Variants in TBL3 observed in about 807,000 individuals in gnomAD.
TBL3 encodes transducin beta-like protein 3.
Under a neutral mutation model 102.7 loss-of-function variants are expected in TBL3, and 71 were observed. The ratio of observed to expected loss-of-function variants is 0.69; its 90% CI spans 0.57 to 0.84. TBL3 has a LOEUF of 0.84. Among genes scored for constraint, TBL3 ranks in the 40% least tolerant of loss-of-function variants. The pLI is 0.00. For missense variants in TBL3, 1,188 were observed against 1,098.5 expected, an observed-to-expected ratio of 1.08 and a Z score of -1.15; for synonymous variants, 578 against 477.7, an observed-to-expected ratio of 1.21 and a Z score of -2.74.
At position 1,975,915 on chromosome 16, in the gene TBL3, G is replaced by C. The variant is rs769312397; in HGVS notation, c.1095G>C (p.Gln365His). 6.8e-6 allele frequency: 11 copies of C among 1,614,012 alleles called. No individual in the cohort carries two copies. In the African/African-American group the frequency reaches 1.5e-4, roughly 22 times the overall value. ...CCTGCCTAAAAGTGTTTGAGCTGCAGACGTCAGCCTGCCAGATCCTCCACG... is the reference window on the plus strand; with the variant it reads ...CCTGCCTAAAAGTGTTTGAGCTGCACACGTCAGCCTGCCAGATCCTCCACG... ...NSPCLKVFEL[Q>H]TSACQILHGH... Residue 365 changes from glutamine to histidine, a missense_variant, in exon 11 of 22, where the codon CAG (glutamine) becomes CAC (histidine). Transcript: ENST00000568546.
Position 1,978,608 on chromosome 16 carries a change from C to T in TBL3, c.2350C>T (p.Leu784=). The part of the protein sequence containing the change: ...TLQAAAFLDF[L]WHNMKLPVPA... ...CCAGGCCGCCGCTTTCTTGGACTTCCTGTGGCACAACATGAAGCTCCCTGT... is the reference window on the plus strand; with the variant it reads ...CCAGGCCGCCGCTTTCTTGGACTTCTTGTGGCACAACATGAAGCTCCCTGT... The change falls in exon 22 of 22, where the codon CTG becomes TTG. Residue 784 remains leucine (L), a synonymous_variant. Coordinates refer to ENST00000568546, the MANE Select transcript of TBL3 (RefSeq NM_006453.3). 1 of 1,612,904 alleles carries T rather than the reference C, an allele frequency of 6.2e-7. No homozygotes were observed. Among genetic ancestry groups the T allele is most frequent in the Non-Finnish European group, 8.5e-7 (1 of 1,179,898 alleles).
At position 1,977,181 on chromosome 16, in the gene TBL3, G is replaced by A; in HGVS notation, c.1568G>A (p.Gly523Asp). 6.2e-7 allele frequency: 1 copy of A among 1,613,118 alleles called. No individual in the cohort carries two copies. The highest frequency in any genetic ancestry group is 8.5e-7 in the Non-Finnish European group (1 of 1,179,996). ...LLGVFSGHRRGLWCVQFSPMD... is the reference protein window; with the variant it reads ...LLGVFSGHRRDLWCVQFSPMD... ...GGTGTCTTCTCAGGCCACCGGCGTG[G>A]CCTCTGGTGCGTCCAGTTCTCTCCC... is the stretch of plus-strand genomic sequence containing the variant. Residue 523 changes from glycine to aspartate, a missense_variant, in exon 15 of 22, where the codon GGC becomes GAC. Gly to Asp is a moderately conservative substitution (Grantham distance 94, BLOSUM62 -1). Coordinates refer to ENST00000568546, the MANE Select transcript of TBL3 (RefSeq NM_006453.3).
intron 13 of TBL3, 45 bp downstream of exon 13, chr16:1,976,359 C>T (rs1323372901): frequency 1.3e-6 from 2 of 1,538,408 alleles, no homozygotes; most frequent in Non-Finnish European, 1.8e-6. Flanking sequence ...GAGGTGGAGG[C>T]CCAGGCCTGC....
Position 1,976,193 on chromosome 16 carries a change from T to C in TBL3, c.1189-18T>C. The C allele has an allele frequency of 6.2e-7, 1 of 1,614,120 alleles. No homozygotes were observed. Among genetic ancestry groups the C allele is most frequent in the South Asian group, 1.1e-5 (1 of 91,088 alleles). Reference sequence around the variant, plus strand: ...TAGGCCCATGGACCAGCCTCTCTCCTCAACTCCCTGTCCCCAGGATCAGAG... The same window carrying C: ...TAGGCCCATGGACCAGCCTCTCTCCCCAACTCCCTGTCCCCAGGATCAGAG... On this transcript the variant is annotated intron_variant, in intron 12 of 21. Coordinates refer to ENST00000568546, the MANE Select transcript of TBL3 (RefSeq NM_006453.3).
In TBL3 at chr16:1,980,386, G is replaced by T. The variant is rs748564929; in HGVS notation, c.*1701G>T. The T allele has an allele frequency of 2.5e-6, 4 of 1,601,938 alleles. No homozygotes were observed. The highest frequency in any genetic ancestry group is 1.7e-5 in the Admixed American group (1 of 59,798). On this transcript the variant is annotated 3_prime_UTR_variant, in exon 22 of 22. Transcript: ENST00000568546. ...AGGCACCTGCCGGGTGGCAGCGCGG[G>T]CTCCAGGTCCAGGGGTTGCGGTGCG...
rs921220900 is a variant in TBL3 at position 1,980,801 on chromosome 16, A to G, written c.*2116A>G. On this transcript the variant is annotated 3_prime_UTR_variant, in exon 22 of 22. Coordinates refer to ENST00000568546, the MANE Select transcript of TBL3 (RefSeq NM_006453.3). Reference sequence around the variant, plus strand: ...CACCCTTGAGAGGGCGGGGTCCCTCACCCGGATGGCAGGGGCTGGGAGCTT... The same window carrying G: ...CACCCTTGAGAGGGCGGGGTCCCTCGCCCGGATGGCAGGGGCTGGGAGCTT... 1.3e-5 allele frequency: 20 copies of G among 1,504,220 alleles called. No homozygotes were observed. The highest frequency in any genetic ancestry group is 7.1e-5 in the South Asian group (6 of 84,930). The allele number at this position is 1,504,220 out of a possible 1,614,324, so 93.2% of individuals were successfully genotyped here.
intron 11 of TBL3, 34 bp downstream of exon 11, chr16:1,975,983 G>A (rs2083398139): frequency 1.2e-6 from 2 of 1,614,056 alleles, no homozygotes; most frequent in Non-Finnish European, 1.7e-6. Context: ...CACCCTGGGA[G>A]CCGCCTCGGT....
rs773511702 is a variant in TBL3, at chr16:1,974,949, C to T, written c.486C>T (p.Asp162=). Residue 162 remains aspartate, a synonymous_variant, in exon 7 of 22, where the codon GAC becomes GAT. Coordinates refer to ENST00000568546, the MANE Select transcript of TBL3 (RefSeq NM_006453.3). ...GVVHLVAFHP[D]PTRLLLFSSA... Reference sequence around the variant, plus strand: ...ACAGCCTAGTGGCCTTCCACCCGGACCCTACACGCCTGCTGCTCTTCTCCT... The same window carrying T: ...ACAGCCTAGTGGCCTTCCACCCGGATCCTACACGCCTGCTGCTCTTCTCCT... 6.2e-7 allele frequency: 1 copy of T among 1,610,784 alleles called. No individual in the cohort carries two copies. Among genetic ancestry groups the T allele is most frequent in the Non-Finnish European group, 8.5e-7 (1 of 1,179,930 alleles).
chr16:1,978,883 C>T lies in TBL3; in HGVS notation c.*198C>T. 9.4e-7 allele frequency: 1 copy of T among 1,067,020 alleles called. No homozygotes were observed. Among genetic ancestry groups the T allele is most frequent in the Admixed American group, 2.8e-5 (1 of 35,626 alleles). The allele number at this position is 1,067,020 out of a possible 1,614,324, so 66.1% of individuals were successfully genotyped here. A position where few individuals can be genotyped will look rare whatever the true frequency, so the allele number is the denominator to read the frequency against. ...CCCGCACCCTGGCCTGGCAGAGATC[C>T]AGCCCGCGGCTCCGCACGCTTAGAC... is the stretch of plus-strand genomic sequence containing the variant. On this transcript the variant is annotated 3_prime_UTR_variant, in exon 22 of 22. Transcript: ENST00000568546.
Position 1,977,419 on chromosome 16 carries a change from C to T in TBL3, c.1735C>T (p.Leu579=), listed in dbSNP as rs2083411941. Residue 579 remains leucine, a synonymous_variant, in exon 16 of 22, where the codon CTG becomes TTG. Transcript: ENST00000568546. ...VAFVSRGTQL[L]SSGSDGLVKL... is the part of the protein sequence containing the mutation. ...CTTTGTGAGCCGTGGCACGCAGCTGCTGTCCAGGTGAGTGGGCTGGGGTGG... is the reference window on the plus strand; with the variant it reads ...CTTTGTGAGCCGTGGCACGCAGCTGTTGTCCAGGTGAGTGGGCTGGGGTGG... The T allele has an allele frequency of 4.5e-6, 7 of 1,549,384 alleles. No homozygotes were observed. The highest frequency in any genetic ancestry group is 1.4e-5 in the African/African-American group (1 of 72,076).
chr16:1,978,974 G>T lies in TBL3; in HGVS notation c.*289G>T, dbSNP rs1005823288. ...CAAATGGCCCCCTCCCATCCCTGCTGGCCAGGGAGATCCGCCCTCCCCGCT... is the reference window on the plus strand; with the variant it reads ...CAAATGGCCCCCTCCCATCCCTGCTTGCCAGGGAGATCCGCCCTCCCCGCT... On this transcript the variant is annotated 3_prime_UTR_variant, in exon 22 of 22. Coordinates refer to ENST00000568546, the MANE Select transcript of TBL3 (RefSeq NM_006453.3). 7.3e-7 allele frequency: 1 copy of T among 1,367,692 alleles called. No individual in the cohort carries two copies. The highest frequency in any genetic ancestry group is 9.8e-7 in the Non-Finnish European group (1 of 1,018,086). 84.7% of individuals were successfully genotyped at this position (1,367,692 alleles called of 1,614,324 possible). A position where few individuals can be genotyped will look rare whatever the true frequency, so the allele number is the denominator to read the frequency against.
In TBL3 at chr16:1,976,922, C is replaced by A. The variant is rs765112659; in HGVS notation, c.1401C>A (p.Ile467=). 30 of 1,613,856 alleles carry A rather than the reference C, an allele frequency of 1.9e-5. No individual in the cohort carries two copies. Among genetic ancestry groups the A allele is most frequent in the Non-Finnish European group, 2.5e-5 (30 of 1,180,020 alleles). Residue 467 remains isoleucine, a synonymous_variant, in exon 14 of 22, where the codon ATC becomes ATA. Transcript: ENST00000568546. ...SKNTAPDNGP[I]LLQAQTTQRC... is the part of the protein sequence containing the mutation. ...ACACAGCCCCAGACAACGGCCCTAT[C>A]CTCCTGCAGGCCCAGACCACTCAGC...
chr16:1,981,723 A>C lies in TBL3; in HGVS notation c.*3038A>C. 1 of 157,840 alleles carries C rather than the reference A, an allele frequency of 6.3e-6. No individual in the cohort carries two copies. The allele number at this position is 157,840 out of a possible 1,614,324, so 9.8% of individuals were successfully genotyped here. A position where few individuals can be genotyped will look rare whatever the true frequency, so the allele number is the denominator to read the frequency against. The stretch of plus-strand genomic sequence containing the variant: ...AAGTGCTTTGTCTGACTTAATCCTA[A>C]TGCTGGAGGAAAGGTCTCTTAATGT... On this transcript the variant is annotated 3_prime_UTR_variant, in exon 22 of 22. Transcript: ENST00000568546.
Position 1,977,344 on chromosome 16 carries a change from C to T in TBL3, c.1672-12C>T, listed in dbSNP as rs768597601. On this transcript the variant is annotated splice_polypyrimidine_tract_variant and intron_variant, in intron 15 of 21. Transcript: ENST00000568546. ...CCTGGTGACATCTCATGCCCTACCC[C>T]CCACCTTGCAGACATTTGAGGGGCA... 5 of 1,613,518 alleles carry T rather than the reference C, an allele frequency of 3.1e-6. No individual in the cohort carries two copies. Among genetic ancestry groups the T allele is most frequent in the Non-Finnish European group, 4.2e-6 (5 of 1,180,004 alleles).
chr16:1,974,730 G>A (rs759839533), intron 5 of TBL3, 33 bp from the exon 6 acceptor site: 13 of 1,611,958 alleles, frequency 8.1e-6, no homozygotes, highest in Admixed American at 5.0e-5. Context: ...AGGGGCTTTG[G>A]GCATTCCACC....
rs1163633632 is a variant in TBL3 at position 1,978,888 on chromosome 16, C to CAG, written c.*203_*204insAG. 6.6e-6 allele frequency: 7 copies of CAG among 1,064,810 alleles called. No individual in the cohort carries two copies. Among genetic ancestry groups the CAG allele is most frequent in the Non-Finnish European group, 9.3e-6 (7 of 750,626 alleles). 66.0% of individuals were successfully genotyped at this position (1,064,810 alleles called of 1,614,324 possible). The stretch of plus-strand genomic sequence containing the variant: ...ACCCTGGCCTGGCAGAGATCCAGCC[C>CAG]GCGGCTCCGCACGCTTAGACGGTGG... On this transcript the variant is annotated 3_prime_UTR_variant, in exon 22 of 22. Transcript: ENST00000568546.
At position 1,977,644 on chromosome 16, in the gene TBL3, A is replaced by C; in HGVS notation, c.1873A>C (p.Ser625Arg). ...RLDDHALTGA[S>R]DSRVILWKDV... ...GGACGACCACGCCCTCACTGGGGCC[A>C]GTGACTCCCGAGTCATCCTCTGGAA... Residue 625 changes from serine (S) to arginine (R), a missense_variant, in exon 17 of 22, where the codon AGT (serine) becomes CGT (arginine). Ser to Arg is a moderately radical substitution (Grantham distance 110). Transcript: ENST00000568546. 6.4e-7 allele frequency: 1 copy of C among 1,552,134 alleles called. No individual in the cohort carries two copies. Among genetic ancestry groups the C allele is most frequent in the Non-Finnish European group, 8.7e-7 (1 of 1,147,326 alleles).
At position 1,974,502 on chromosome 16, in the gene TBL3, A is replaced by G. The variant is rs1190642733; in HGVS notation, c.238-36A>G. On this transcript the variant is annotated intron_variant, in intron 4 of 21. Transcript: ENST00000568546. ...GAGTCCAGGAAGATGTGAGCAGGGT[A>G]TTGCTGCCCCTCTGCTGACCTGTAC... is the stretch of plus-strand genomic sequence containing the variant. 5.0e-6 allele frequency: 8 copies of G among 1,587,672 alleles called. No homozygotes were observed. In the Admixed American group the frequency reaches 6.8e-5, roughly 14 times the overall value.
Position 1,980,514 on chromosome 16 carries a change from G to A in TBL3, c.*1829G>A. ...CTGCAGGCGCGCCAGGCCGCGGCTC[G>A]TGCGCCCCACGCGTCCCAACAGTGG... On this transcript the variant is annotated 3_prime_UTR_variant, in exon 22 of 22. Coordinates refer to ENST00000568546, the MANE Select transcript of TBL3 (RefSeq NM_006453.3). The A allele has an allele frequency of 1.2e-6, 2 of 1,603,012 alleles. No individual in the cohort carries two copies. The highest frequency in any genetic ancestry group is 1.7e-6 in the Non-Finnish European group (2 of 1,179,132).
Sources: gnomAD v4.1 joint callset for allele counts on GRCh38, gnomAD v4.1.1 for gene constraint, MANE v1.5 for transcripts, NCBI Gene and HGNC (gene_info 2026-07-23, HGNC 2026-07-21) for gene names.